Variants in FHIT observed in about 807,000 individuals in gnomAD.
FHIT encodes the protein bis(5'-adenosyl)-triphosphatase.
A neutral mutation model predicts 17.9 loss-of-function variants in FHIT; 19 were observed. The observed-to-expected ratio is 1.06, with a 90% confidence interval of 0.74 to 1.56. The LOEUF is 1.56. FHIT is among the 40% of genes most tolerant of loss of function. The pLI is 0.00. For synonymous variants in FHIT, 81 were observed against 69.7 expected (o/e 1.16, Z -0.81); for missense variants, 248 against 189.2 (o/e 1.31, Z -1.82).
intron 7 of FHIT, among the ~76,000 whole-genome samples, chr3:59,965,218 T>G (rs1236618476): frequency 1.3e-5 from 2 of 152,130 alleles, no homozygotes; most frequent in African/African-American, 2.4e-5. Context: ...CTTTAAATTG[T>G]CTAGCAGAAC....
chr3:60,626,558 T>C (rs550699810), intron 4 of FHIT, among the ~76,000 whole-genome samples: 2 of 152,312 alleles, frequency 1.3e-5, no homozygotes, highest in South Asian at 4.1e-4. Flanking sequence ...TGTTCTTGTA[T>C]CCTAAAAACT....
intron 3 of FHIT, among the ~76,000 whole-genome samples, chr3:60,899,929 T>G (rs560154298): frequency 4.7e-4 from 72 of 152,138 alleles, no homozygotes; most frequent in Non-Finnish European, 7.5e-4. Flanking sequence ...GGGAAATCTC[T>G]CTGAACACTG....
chr3:61,123,200 A>G (rs1051155844), intron 2 of FHIT, among the ~76,000 whole-genome samples: 9 of 152,178 alleles, frequency 5.9e-5, no homozygotes, highest in African/African-American at 2.2e-4. Flanking sequence ...TGTCCTTTGC[A>G]GGGACATGGA....
At chr3:60,732,088 G>C (rs1467402882) in intron 4 of FHIT, 3 of 611,258 alleles carry the variant, frequency 4.9e-6, no homozygotes, top group Non-Finnish European at 8.7e-6. Flanking sequence ...TGGAGGGGTA[G>C]TCTCCTGAGC....
intron 4 of FHIT, among the ~76,000 whole-genome samples, chr3:60,619,943 A>C (rs557943764): frequency 5.9e-4 from 90 of 152,154 alleles, no homozygotes; most frequent in African/African-American, 2.0e-3. Context: ...TATCCAAAAT[A>C]TTTTTTTTAA....
At chr3:60,817,231 G>A in intron 4 of FHIT, among the ~76,000 whole-genome samples, 1 of 151,912 alleles carries the variant, frequency 6.6e-6, no homozygotes, top group East Asian at 1.9e-4. Context: ...ACAAGACAAT[G>A]TTATAATTTT....
At chr3:61,060,117 T>A (rs542029534) in intron 2 of FHIT, among the ~76,000 whole-genome samples, 11 of 152,324 alleles carry the variant, frequency 7.2e-5, no homozygotes, top group South Asian at 2.1e-4. Context: ...TCAACTGGAA[T>A]ATAAATAATT....
At chr3:60,364,289 G>A (rs1354549124) in intron 5 of FHIT, among the ~76,000 whole-genome samples, 1 of 152,116 alleles carries the variant, frequency 6.6e-6, no homozygotes, top group Non-Finnish European at 1.5e-5. Flanking sequence ...CACTTTTTCT[G>A]CTGGAAAATT....
At chr3:60,915,115 G>A (rs1706936421) in intron 3 of FHIT, among the ~76,000 whole-genome samples, 1 of 152,110 alleles carries the variant, frequency 6.6e-6, no homozygotes, top group Middle Eastern at 3.2e-3. Flanking sequence ...AAATTTACAA[G>A]TTGTTATTTA....
At chr3:60,847,923 A>G (rs1311359029) in intron 3 of FHIT, among the ~76,000 whole-genome samples, 1 of 152,172 alleles carries the variant, frequency 6.6e-6, no homozygotes, top group Non-Finnish European at 1.5e-5. Flanking sequence ...TATCCTTGAC[A>G]TATGTAGAGA....
chr3:59,806,671 T>TATCTGTATCTCCACA (rs1455737871), intron 8 of FHIT, among the ~76,000 whole-genome samples: 1 of 7,756 alleles, frequency 1.3e-4, no homozygotes, highest in African/African-American at 4.0e-4. Context: ...TACATATATA[T>TATCTGTATCTCCACA]GTGTATATAT....
intron 3 of FHIT, among the ~76,000 whole-genome samples, chr3:61,008,609 C>G (rs986501284): frequency 6.6e-6 from 1 of 152,206 alleles, no homozygotes; most frequent in African/African-American, 2.4e-5. Context: ...TCACCACTTA[C>G]TCTGTGATGT....
chr3:60,543,907 C>CTTTTTTTTTTTTTTTTTTTTTTTTTTTTT lies in FHIT; in HGVS notation c.-17-6929_-17-6928insAAAAAAAAAAAAAAAAAAAAAAAAAAAAA, dbSNP rs71092612. ...CTACAAGCGCCCGCACCACGCCCGG[C>CTTTTTTTTTTTTTTTTTTTTTTTTTTTTT]TTTTTTTTTTTTTTTTTTTTTTTTG... is the stretch of plus-strand genomic sequence containing the variant. On this transcript the variant is annotated intron_variant, in intron 4 of 9. Transcript: ENST00000492590. Among the ~76,000 whole-genome samples the CTTTTTTTTTTTTTTTTTTTTTTTTTTTTT allele has an allele frequency of 1.2e-4, 6 of 52,062 alleles. 1 individual carries two copies. Among genetic ancestry groups the CTTTTTTTTTTTTTTTTTTTTTTTTTTTTT allele is most frequent in the African/African-American group, 1.9e-4 (2 of 10,280 alleles). The allele number at this position is 52,062 out of a possible 152,430, so 34.2% of individuals were successfully genotyped here. A position where few individuals can be genotyped will look rare whatever the true frequency, so the allele number is the denominator to read the frequency against.
intron 5 of FHIT, among the ~76,000 whole-genome samples, chr3:60,243,127 T>TTG (rs1324488986): frequency 6.6e-6 from 1 of 151,824 alleles, no homozygotes; most frequent in African/African-American, 2.4e-5. Context: ...AGCAAATGGA[T>TTG]TGTTCGCCTT....
intron 5 of FHIT, among the ~76,000 whole-genome samples, chr3:60,023,194 G>C (rs1353739111): frequency 3.9e-5 from 6 of 152,208 alleles, no homozygotes; most frequent in African/African-American, 1.4e-4. Context: ...TTAAACTTCA[G>C]ATACACTTTG....
At chr3:60,582,424 AC>A (rs1175752299) in intron 4 of FHIT, among the ~76,000 whole-genome samples, 1 of 152,084 alleles carries the variant, frequency 6.6e-6, no homozygotes, top group Non-Finnish European at 1.5e-5. Flanking sequence ...ATTTTATAAA[AC>A]ATTTGTAGAT....
chr3:60,156,667 A>G (rs6802928), intron 5 of FHIT, among the ~76,000 whole-genome samples: 91,176 of 151,946 alleles, frequency 0.6, 27,946 homozygotes, highest in Middle Eastern at 0.76. Context: ...TGAGAGGATT[A>G]CTTGAGCCTA....
chr3:60,537,348 G>T, intron 4 of FHIT: 1 of 420,400 alleles, frequency 2.4e-6, no homozygotes, highest in Non-Finnish European at 3.2e-6. Flanking sequence ...CTGCTAAGCT[G>T]AAAATTTTCA....
chr3:59,763,374 C>T (rs1347901220), intron 8 of FHIT, among the ~76,000 whole-genome samples: 2 of 152,196 alleles, frequency 1.3e-5, no homozygotes, highest in African/African-American at 4.8e-5. Flanking sequence ...AATGCACAGC[C>T]ACAGAATCCT....
Sources: gnomAD v4.1 joint callset for allele counts (sites outside exome capture counted in the v4.1 genomes callset) on GRCh38, gnomAD v4.1.1 for gene constraint, MANE v1.5 for transcripts, NCBI Gene and HGNC (gene_info 2026-07-23, HGNC 2026-07-21) for gene names.